EFNB3: variants seen among roughly 807,000 people sequenced by gnomAD.
EFNB3 encodes ephrin-B3.
In EFNB3, 14 loss-of-function variants were observed where a neutral mutation model predicts 29.8. That is an observed-to-expected ratio of 0.47 (90% CI 0.31 to 0.73). EFNB3 has a LOEUF of 0.73. Among genes scored for constraint, EFNB3 ranks in the 30% least tolerant of loss-of-function variants. EFNB3 has a pLI of 0.05. For synonymous variants in EFNB3, 216 were observed against 191.6 expected, an observed-to-expected ratio of 1.13 and a Z score of -1.05; for missense variants, 408 against 458.0, an observed-to-expected ratio of 0.89 and a Z score of 1.00.
At chr17:7,706,175 C>T (rs949265688) in intron 1 of EFNB3, among the ~76,000 whole-genome samples, 1 of 149,812 alleles carries the variant, frequency 6.7e-6, no homozygotes, top group African/African-American at 2.5e-5. Context: ...AAGGGGGTTC[C>T]GTTTGGGGGC....
At chr17:7,706,156 A>G (rs923217112) in intron 1 of EFNB3, among the ~76,000 whole-genome samples, 3 of 148,894 alleles carry the variant, frequency 2.0e-5, no homozygotes, top group Non-Finnish European at 4.5e-5. Flanking sequence ...CGCATCCGAG[A>G]TGGGAGGCAA....
rs757537417 is a variant in EFNB3, at chr17:7,708,662, A to C, written c.536A>C (p.Lys179Thr). The C allele has an allele frequency of 2.5e-6, 4 of 1,580,768 alleles. No individual in the cohort carries two copies. The South Asian group carries it at 3.5e-5, about 14-fold the overall frequency. The change falls in exon 4 of 5, where the codon AAA becomes ACA. Residue 179 changes from lysine (K) to threonine (T), a missense_variant. By Grantham distance (78) the Lys-to-Thr change is moderately conservative. This residue lies in a region of EFNB3 where 233 missense variants were observed against 230.7 expected (regional missense o/e 1.01). Transcript: ENST00000226091. The surrounding 1 kb of genome is among the most constrained non-coding windows in gnomAD (Gnocchi z 6.8). ...CCCCGAGGAGGGGCTGTCCCCCGAA[A>C]ACCTGTGTCTGAAATGCCCATGGAA... ...QSPRGGAVPRKPVSEMPMERD... is the reference protein window; with the variant it reads ...QSPRGGAVPRTPVSEMPMERD...
chr17:7,708,157 G>A lies in EFNB3; in HGVS notation c.322G>A (p.Asp108Asn). 1 of 1,613,914 alleles carries A rather than the reference G, an allele frequency of 6.2e-7. No homozygotes were observed. Among genetic ancestry groups the A allele is most frequent in the South Asian group, 1.1e-5 (1 of 91,080 alleles). ...CCTCCTTCTCACTTGTGATCGCCCA[G>A]ACCTGGATCTCCGCTTCACCATCAA... Reference protein sequence around the residue: ...PNLLLTCDRPDLDLRFTIKFQ... With the variant: ...PNLLLTCDRPNLDLRFTIKFQ... The change falls in exon 2 of 5, where the codon GAC becomes AAC. Residue 108 changes from aspartate to asparagine, a missense_variant. Asp to Asn is a conservative substitution (Grantham distance 23, BLOSUM62 1). This residue lies in a region of EFNB3 where 128 missense variants were observed against 140.8 expected (regional missense o/e 0.91). Transcript: ENST00000226091. This position sits in a 1 kb window ranked among gnomAD's most constrained non-coding sequence, Gnocchi z 6.8.
chr17:7,707,564 G>T (rs933522950), intron 1 of EFNB3, among the ~76,000 whole-genome samples: 1 of 152,214 alleles, frequency 6.6e-6, no homozygotes, highest in African/African-American at 2.4e-5. Flanking sequence ...ATGGTTGGCT[G>T]CCATGGAATA....
rs1412852909 is a variant in EFNB3, at chr17:7,708,358, T to A, written c.416-77T>A. The A allele has an allele frequency of 1.9e-6, 3 of 1,585,738 alleles. No individual in the cohort carries two copies. Among genetic ancestry groups the A allele is most frequent in the East Asian group, 4.5e-5 (2 of 44,686 alleles). On this transcript the variant is annotated intron_variant, in intron 2 of 4. Transcript: ENST00000226091. This position sits in a 1 kb window ranked among gnomAD's most constrained non-coding sequence, Gnocchi z 6.8. ...GAGATCCCAGTGCCCTCAGGCAGTG[T>A]TCACACCAGGGTGTGGGGCCAGAAT...
In EFNB3 at chr17:7,709,754, C is replaced by G; in HGVS notation, c.*178C>G. On this transcript the variant is annotated 3_prime_UTR_variant, in exon 5 of 5. Coordinates refer to ENST00000226091, the MANE Select transcript of EFNB3 (RefSeq NM_001406.4). The surrounding 1 kb of genome is among the most constrained non-coding windows in gnomAD (Gnocchi z 4.5). ...AGGATTCCTTAGGATTCCCACTGCC[C>G]CACTTCCTGCCCTCCCGTTTGGCCA... The G allele has an allele frequency of 2.9e-6, 2 of 699,114 alleles. No homozygotes were observed. Among genetic ancestry groups the G allele is most frequent in the Non-Finnish European group, 4.9e-6 (2 of 407,954 alleles). 43.3% of individuals were successfully genotyped at this position (699,114 alleles called of 1,614,324 possible). A position where few individuals can be genotyped will look rare whatever the true frequency, so the allele number is the denominator to read the frequency against.
chr17:7,709,184 G>T lies in EFNB3; in HGVS notation c.631G>T (p.Ala211Ser). 1 of 1,602,616 alleles carries T rather than the reference G, an allele frequency of 6.2e-7. No homozygotes were observed. ...CCTGCCAGGTGACCCCACCAGCAAT[G>T]CAACCTCCCGGGGTGCTGAAGGCCC... is the stretch of plus-strand genomic sequence containing the variant. ...ENLPGDPTSN[A>S]TSRGAEGPLP... Residue 211 changes from alanine to serine, a missense_variant, in exon 5 of 5, where the codon GCA becomes TCA. Around this residue, in one of 3 missense-constraint regions of EFNB3, gnomAD observed 233 missense variants for 230.7 expected, o/e 1.01. Transcript: ENST00000226091. This position sits in a 1 kb window ranked among gnomAD's most constrained non-coding sequence, Gnocchi z 4.5.
At position 7,705,576 on chromosome 17, in the gene EFNB3, G is replaced by A; in HGVS notation, c.-23G>A. 2 of 1,355,560 alleles carry A rather than the reference G, an allele frequency of 1.5e-6. No individual in the cohort carries two copies. The highest frequency in any genetic ancestry group is 1.5e-5 in the African/African-American group (1 of 65,182). 84.0% of individuals were successfully genotyped at this position (1,355,560 alleles called of 1,614,324 possible). A position where few individuals can be genotyped will look rare whatever the true frequency, so the allele number is the denominator to read the frequency against. On this transcript the variant is annotated 5_prime_UTR_variant, in exon 1 of 5. Coordinates refer to ENST00000226091, the MANE Select transcript of EFNB3 (RefSeq NM_001406.4). This position sits in a 1 kb window ranked among gnomAD's most constrained non-coding sequence, Gnocchi z 5.4. ...GCGACTTTGGGGGAGTTGGTGCCCCGCCCCCCAGGCCTTGGCGGGGTCATG... is the reference window on the plus strand; with the variant it reads ...GCGACTTTGGGGGAGTTGGTGCCCCACCCCCCAGGCCTTGGCGGGGTCATG...
Position 7,705,766 on chromosome 17 carries a change from G to T in EFNB3, c.122+46G>T. On this transcript the variant is annotated intron_variant, in intron 1 of 4. Transcript: ENST00000226091. The surrounding 1 kb of genome is among the most constrained non-coding windows in gnomAD (Gnocchi z 5.4). Reference sequence around the variant, plus strand: ...GAGATCCCAGACCCTAGGGCAGTGGGTAGGGAAGCTCTGGGGGCTTGGAGG... The same window carrying T: ...GAGATCCCAGACCCTAGGGCAGTGGTTAGGGAAGCTCTGGGGGCTTGGAGG... The T allele has an allele frequency of 6.6e-7, 1 of 1,519,494 alleles. No individual in the cohort carries two copies. The allele number at this position is 1,519,494 out of a possible 1,614,324, so 94.1% of individuals were successfully genotyped here. A position where few individuals can be genotyped will look rare whatever the true frequency, so the allele number is the denominator to read the frequency against.
chr17:7,708,407 A>G lies in EFNB3; in HGVS notation c.416-28A>G, dbSNP rs1440225818. On this transcript the variant is annotated intron_variant, in intron 2 of 4. Coordinates refer to ENST00000226091, the MANE Select transcript of EFNB3 (RefSeq NM_001406.4). The surrounding 1 kb of genome is among the most constrained non-coding windows in gnomAD (Gnocchi z 6.8). The stretch of plus-strand genomic sequence containing the variant: ...ATCAGGGCTAGATTCTGGAGTGCCA[A>G]CCTCTTCCTCTGGCTTTTCTCTCCC... 1 of 1,604,482 alleles carries G rather than the reference A, an allele frequency of 6.2e-7. No homozygotes were observed. Among genetic ancestry groups the G allele is most frequent in the Non-Finnish European group, 8.5e-7 (1 of 1,175,470 alleles).
chr17:7,705,828 G>A lies in EFNB3; in HGVS notation c.122+108G>A. 12 of 1,356,874 alleles carry A rather than the reference G, an allele frequency of 8.8e-6. No individual in the cohort carries two copies. The highest frequency in any genetic ancestry group is 1.2e-5 in the Non-Finnish European group (12 of 1,015,702). 84.1% of individuals were successfully genotyped at this position (1,356,874 alleles called of 1,614,324 possible). On this transcript the variant is annotated intron_variant, in intron 1 of 4. Coordinates refer to ENST00000226091, the MANE Select transcript of EFNB3 (RefSeq NM_001406.4). The surrounding 1 kb of genome is among the most constrained non-coding windows in gnomAD (Gnocchi z 5.4). ...GGGCAGGGAGGAGGCGGGAGGGAAG[G>A]TGCTGGTGCTCTGATGTGTGATGGG...
chr17:7,708,342 G>A lies in EFNB3; in HGVS notation c.415+92G>A. The A allele has an allele frequency of 6.3e-7, 1 of 1,581,826 alleles. No homozygotes were observed. The highest frequency in any genetic ancestry group is 8.6e-7 in the Non-Finnish European group (1 of 1,162,060). On this transcript the variant is annotated intron_variant, in intron 2 of 4. Transcript: ENST00000226091. The surrounding 1 kb of genome is among the most constrained non-coding windows in gnomAD (Gnocchi z 6.8). ...CCCTGCAGCCAAGAGGGAGATCCCAGTGCCCTCAGGCAGTGTTCACACCAG... is the reference window on the plus strand; with the variant it reads ...CCCTGCAGCCAAGAGGGAGATCCCAATGCCCTCAGGCAGTGTTCACACCAG...
Position 7,710,391 on chromosome 17 carries a change from G to C in EFNB3, c.*815G>C, listed in dbSNP as rs1264914453. On this transcript the variant is annotated 3_prime_UTR_variant, in exon 5 of 5. Coordinates refer to ENST00000226091, the MANE Select transcript of EFNB3 (RefSeq NM_001406.4). ...ACATGTATGGACTTGGTCTGATGCT[G>C]AATGGGCCACTTGGGACCGGAAGTG... The C allele has an allele frequency of 6.5e-6, 1 of 152,686 alleles. No homozygotes were observed. Among genetic ancestry groups the C allele is most frequent in the East Asian group, 1.9e-4 (1 of 5,196 alleles). 9.5% of individuals were successfully genotyped at this position (152,686 alleles called of 1,614,324 possible).
rs1567582912 is a variant in EFNB3 at position 7,705,950 on chromosome 17, G to A, written c.122+230G>A. The stretch of plus-strand genomic sequence containing the variant: ...TGTCAGGAGTTTGGAGACCCCAAAG[G>A]GGCAAGGAGAAGAAAGTTCATGGGT... On this transcript the variant is annotated intron_variant, in intron 1 of 4. Transcript: ENST00000226091. The surrounding 1 kb of genome is among the most constrained non-coding windows in gnomAD (Gnocchi z 5.4). Among the ~76,000 whole-genome samples the A allele has an allele frequency of 6.6e-6, 1 of 151,568 alleles. No homozygotes were observed. Among genetic ancestry groups the A allele is most frequent in the Non-Finnish European group, 1.5e-5 (1 of 67,932 alleles).
chr17:7,709,188 C>A lies in EFNB3; in HGVS notation c.635C>A (p.Thr212Asn). 1 of 1,602,936 alleles carries A rather than the reference C, an allele frequency of 6.2e-7. No homozygotes were observed. The change falls in exon 5 of 5, where the codon ACC becomes AAC. Residue 212 changes from threonine to asparagine, a missense_variant. Around this residue, in one of 3 missense-constraint regions of EFNB3, gnomAD observed 233 missense variants for 230.7 expected, o/e 1.01. Coordinates refer to ENST00000226091, the MANE Select transcript of EFNB3 (RefSeq NM_001406.4). The surrounding 1 kb of genome is among the most constrained non-coding windows in gnomAD (Gnocchi z 4.5). ...NLPGDPTSNA[T>N]SRGAEGPLPP... ...CCAGGTGACCCCACCAGCAATGCAA[C>A]CTCCCGGGGTGCTGAAGGCCCCCTG...
Position 7,709,063 on chromosome 17 carries a change from G to A in EFNB3, c.614-104G>A, listed in dbSNP as rs1386224778. The A allele has an allele frequency of 8.4e-6, 10 of 1,187,758 alleles. No homozygotes were observed. The highest frequency in any genetic ancestry group is 5.2e-5 in the South Asian group (4 of 76,680). 73.6% of individuals were successfully genotyped at this position (1,187,758 alleles called of 1,614,324 possible). On this transcript the variant is annotated intron_variant, in intron 4 of 4. Coordinates refer to ENST00000226091, the MANE Select transcript of EFNB3 (RefSeq NM_001406.4). This position sits in a 1 kb window ranked among gnomAD's most constrained non-coding sequence, Gnocchi z 4.5. ...GATGGGGTCCCCAAGGGGCCTGGGC[G>A]CTACAAGGGAAGCCCATGGGGACCC...
rs773161161 is a variant in EFNB3, at chr17:7,709,372, G to A, written c.819G>A (p.Gly273=). Residue 273 remains glycine, a synonymous_variant, in exon 5 of 5, where the codon GGG becomes GGA. Coordinates refer to ENST00000226091, the MANE Select transcript of EFNB3 (RefSeq NM_001406.4). The surrounding 1 kb of genome is among the most constrained non-coding windows in gnomAD (Gnocchi z 4.5). Reference sequence around the variant, plus strand: ...GTCCTGGCTCCTTCGGGAGGGGAGGGTCTCTGGGCCTGGGGGGTGGAGGTG... The same window carrying A: ...GTCCTGGCTCCTTCGGGAGGGGAGGATCTCTGGGCCTGGGGGGTGGAGGTG... ...HPGPGSFGRG[G]SLGLGGGGGM... 3.4e-5 allele frequency: 53 copies of A among 1,580,518 alleles called. No homozygotes were observed. Among genetic ancestry groups the A allele is most frequent in the Non-Finnish European group, 4.3e-5 (50 of 1,162,498 alleles).
At position 7,708,764 on chromosome 17, in the gene EFNB3, G is replaced by A. The variant is rs543085517; in HGVS notation, c.613+25G>A. 3 of 1,515,050 alleles carry A rather than the reference G, an allele frequency of 2.0e-6. No individual in the cohort carries two copies. Among genetic ancestry groups the A allele is most frequent in the East Asian group, 2.5e-5 (1 of 40,642 alleles). 93.9% of individuals were successfully genotyped at this position (1,515,050 alleles called of 1,614,324 possible). A position where few individuals can be genotyped will look rare whatever the true frequency, so the allele number is the denominator to read the frequency against. On this transcript the variant is annotated intron_variant, in intron 4 of 4. Coordinates refer to ENST00000226091, the MANE Select transcript of EFNB3 (RefSeq NM_001406.4). This position sits in a 1 kb window ranked among gnomAD's most constrained non-coding sequence, Gnocchi z 6.8. ...GGTAGGAACCAGGGGCTAGGCCCCTGCCTTCCCCAGCTTCCTCTGCTCTCA... is the reference window on the plus strand; with the variant it reads ...GGTAGGAACCAGGGGCTAGGCCCCTACCTTCCCCAGCTTCCTCTGCTCTCA...
rs1346788574 is a variant in EFNB3 at position 7,708,050 on chromosome 17, C to T, written c.215C>T (p.Ser72Phe). ...CPRARPPGPHSSPNYEFYKLY... is the reference protein window; with the variant it reads ...CPRARPPGPHFSPNYEFYKLY... ...CGGGCCCGGCCTCCTGGCCCTCACT[C>T]CTCTCCTAATTATGAGTTCTACAAG... is the stretch of plus-strand genomic sequence containing the variant. Residue 72 changes from serine (S) to phenylalanine (F), a missense_variant, in exon 2 of 5, where the codon TCC becomes TTC. Coordinates refer to ENST00000226091, the MANE Select transcript of EFNB3 (RefSeq NM_001406.4). This position sits in a 1 kb window ranked among gnomAD's most constrained non-coding sequence, Gnocchi z 6.8. 1 of 1,614,098 alleles carries T rather than the reference C, an allele frequency of 6.2e-7. No homozygotes were observed. The highest frequency in any genetic ancestry group is 8.5e-7 in the Non-Finnish European group (1 of 1,180,006).
Sources: gnomAD v4.1 joint callset for allele counts (sites outside exome capture counted in the v4.1 genomes callset) on GRCh38, gnomAD v4.1.1 for gene constraint, gnomAD v4.1.1 regional missense constraint, Gnocchi (gnomAD v3.1) non-coding constraint, MANE v1.5 for transcripts, NCBI Gene and HGNC (gene_info 2026-07-23, HGNC 2026-07-21) for gene names.